The following PXDNL variants were observed in gnomAD, a reference collection of about 807,000 sequenced individuals.
The protein encoded by PXDNL is probable oxidoreductase PXDNL.
In PXDNL, 145 loss-of-function variants were observed where a neutral mutation model predicts 150.8. That is an observed-to-expected ratio of 0.96 (90% confidence interval 0.84 to 1.10). The LOEUF (loss-of-function observed/expected upper bound fraction) is 1.10, where lower values mean the gene tolerates loss of function less well. Ranked by LOEUF, PXDNL falls within the 50% of genes least tolerant of loss-of-function variation. The pLI is 0.00. For missense variants in PXDNL, 2,087 were observed against 1,873.9 expected (o/e 1.11, Z -2.10); for synonymous variants, 757 against 725.7 (o/e 1.04, Z -0.69).
chr8:51,413,392 C>T (rs969772766), intron 14 of PXDNL, 134 bp from the exon 15 acceptor site: 3 of 605,924 alleles, frequency 5.0e-6, no homozygotes, highest in Admixed American at 6.1e-5. Context: ...AAATGTTATA[C>T]AATATCTACA....
chr8:51,738,473 T>C (rs2036864533), intron 1 of PXDNL, among the ~76,000 whole-genome samples: 1 of 152,068 alleles, frequency 6.6e-6, no homozygotes, highest in Non-Finnish European at 1.5e-5. Flanking sequence ...TTCAAATTTG[T>C]CCTCAAATGT....
intron 21 of PXDNL, among the ~76,000 whole-genome samples, chr8:51,330,796 T>C (rs929336886): frequency 2.6e-5 from 4 of 152,146 alleles, no homozygotes; most frequent in Non-Finnish European, 5.9e-5. Flanking sequence ...GCCCCTAAAG[T>C]CTTAATCCAT....
chr8:51,737,294 C>T (rs966507740), intron 1 of PXDNL, among the ~76,000 whole-genome samples: 10 of 152,218 alleles, frequency 6.6e-5, no homozygotes, highest in South Asian at 2.1e-4. Flanking sequence ...AGAATGACAT[C>T]GGATTTTATT....
chr8:51,434,751 A>G (rs1809349018), intron 12 of PXDNL, among the ~76,000 whole-genome samples: 1 of 152,190 alleles, frequency 6.6e-6, no homozygotes, highest in African/African-American at 2.4e-5. Context: ...GATAATCATG[A>G]GCATTTATTA....
intron 6 of PXDNL, among the ~76,000 whole-genome samples, chr8:51,481,915 G>A (rs1035081739): frequency 1.3e-5 from 2 of 152,224 alleles, no homozygotes; most frequent in African/African-American, 4.8e-5. Context: ...CCCTCATGGA[G>A]AACCTCTGCC....
intron 1 of PXDNL, among the ~76,000 whole-genome samples, chr8:51,795,866 T>C (rs1371122843): frequency 1.3e-5 from 2 of 152,224 alleles, no homozygotes; most frequent in Non-Finnish European, 2.9e-5. Flanking sequence ...ACAAAGGTCA[T>C]GACTAAACAC....
chr8:51,463,974 C>T (rs1165887987), intron 8 of PXDNL, among the ~76,000 whole-genome samples: 1 of 151,270 alleles, frequency 6.6e-6, no homozygotes, highest in Non-Finnish European at 1.5e-5. Flanking sequence ...AAGCTAAAAG[C>T]CTACATGAAG....
intron 2 of PXDNL, among the ~76,000 whole-genome samples, chr8:51,614,432 A>G (rs1814090013): frequency 6.6e-6 from 1 of 152,136 alleles, no homozygotes; most frequent in African/African-American, 2.4e-5. Flanking sequence ...GCTATAACCA[A>G]TCTGGCTGTT....
chr8:51,419,449 C>A (rs1256887160), intron 14 of PXDNL, among the ~76,000 whole-genome samples: 1 of 152,136 alleles, frequency 6.6e-6, no homozygotes, highest in Non-Finnish European at 1.5e-5. Flanking sequence ...CCAAGAAATA[C>A]TCTTGAGAGA....
intron 3 of PXDNL, among the ~76,000 whole-genome samples, chr8:51,559,504 C>T (rs1812676483): frequency 6.6e-6 from 1 of 151,964 alleles, no homozygotes; most frequent in African/African-American, 2.4e-5. Context: ...AGAAGAAAAA[C>T]ACATCACCCA....
chr8:51,490,425 T>C (rs1585518319), intron 5 of PXDNL, among the ~76,000 whole-genome samples: 1 of 151,984 alleles, frequency 6.6e-6, no homozygotes, highest in East Asian at 1.9e-4. Context: ...ATAAAGATAA[T>C]AACATAGCTA....
intron 4 of PXDNL, among the ~76,000 whole-genome samples, chr8:51,516,053 T>A (rs1394029042): frequency 6.6e-6 from 1 of 152,196 alleles, no homozygotes; most frequent in Non-Finnish European, 1.5e-5. Flanking sequence ...ATAAAACAAT[T>A]GAAAGGATAT....
intron 1 of PXDNL, among the ~76,000 whole-genome samples, chr8:51,798,658 T>C (rs1034428045): frequency 6.6e-6 from 1 of 152,086 alleles, no homozygotes; most frequent in Non-Finnish European, 1.5e-5. Flanking sequence ...ATCAGAGTGG[T>C]GATTATTAAA....
At chr8:51,449,238 T>C (rs1162394120) in intron 10 of PXDNL, 120 bp from the exon 11 acceptor site, 2 of 630,670 alleles carry the variant, frequency 3.2e-6, no homozygotes, top group African/African-American at 1.8e-5. Context: ...CAATTATATA[T>C]AAACAAGGTT....
At chr8:51,559,640 T>C (rs1812679578) in intron 3 of PXDNL, among the ~76,000 whole-genome samples, 1 of 151,910 alleles carries the variant, frequency 6.6e-6, no homozygotes, top group South Asian at 2.1e-4. Context: ...ATCCCCACTT[T>C]TTACAGATGA....
chr8:51,793,383 G>C (rs190019711), intron 1 of PXDNL, among the ~76,000 whole-genome samples: 1 of 152,150 alleles, frequency 6.6e-6, no homozygotes, highest in Non-Finnish European at 1.5e-5. Flanking sequence ...AGATGAGAAA[G>C]AATCAACAAA....
chr8:51,772,709 AG>A (rs1001904777), intron 1 of PXDNL, among the ~76,000 whole-genome samples: 1 of 152,328 alleles, frequency 6.6e-6, no homozygotes, highest in African/African-American at 2.4e-5. Context: ...AAGGAGGAAG[AG>A]GCTGAAGACA....
intron 1 of PXDNL, among the ~76,000 whole-genome samples, chr8:51,711,922 C>T (rs1386121245): frequency 6.6e-6 from 1 of 152,212 alleles, no homozygotes; most frequent in African/African-American, 2.4e-5. Context: ...GCTTGCAGCA[C>T]AGAAAGCCAA....
intron 9 of PXDNL, 72 bp from the exon 10 acceptor site, chr8:51,453,857 G>C: frequency 6.7e-7 from 1 of 1,499,150 alleles, no homozygotes; most frequent in Non-Finnish European, 9.0e-7. Flanking sequence ...TCTGCATTGT[G>C]GTTTTAAGAT....
Sources: allele counts gnomAD v4.1 joint callset (sites outside exome capture counted in the v4.1 genomes callset), GRCh38; gene constraint gnomAD v4.1.1; transcripts MANE v1.5; gene names NCBI Gene and HGNC (gene_info 2026-07-23, HGNC 2026-07-21).